The following MAP3K9 variants were observed in gnomAD, a reference collection of about 807,000 sequenced individuals.
MAP3K9 encodes the protein mixed lineage kinase 1 (tyr and ser/thr specificity).
MAP3K9 carries 46 observed loss-of-function variants against 95.8 expected under a neutral mutation model. The ratio of observed to expected loss-of-function variants is 0.48; its 90% confidence interval spans 0.38 to 0.61. The LOEUF (loss-of-function observed/expected upper bound fraction) is 0.61. MAP3K9 is among the 20% of genes least tolerant of loss of function. The pLI is 0.00. For missense variants in MAP3K9, 1,296 were observed against 1,474.3 expected, an observed-to-expected ratio of 0.88 and a Z score of 1.98; for synonymous variants, 533 against 593.8, an observed-to-expected ratio of 0.90 and a Z score of 1.49.
Position 70,800,686 on chromosome 14 carries a change from G to T in MAP3K9, c.801C>A (p.Arg267=), listed in dbSNP as rs767594940. 1.9e-6 allele frequency: 3 copies of T among 1,613,668 alleles called. No individual in the cohort carries two copies. Among genetic ancestry groups the T allele is most frequent in the East Asian group, 2.2e-5 (1 of 44,880 alleles). ...ACTCACTGTTGCTGGACTTAAGGTC[G>T]CGGTGGATGATGGGAACAATTGCCT... The part of the protein sequence containing the change: ...HDEAIVPIIH[R]DLKSSNILIL... Residue 267 remains arginine, a synonymous_variant, in exon 2 of 12, where the codon CGC becomes CGA. Transcript: ENST00000554752.
chr14:70,765,751 C>A lies in MAP3K9; in HGVS notation c.821-4569G>T, dbSNP rs12894407. 5.5e-3 allele frequency among the ~76,000 whole-genome samples: 489 copies of A among 89,658 alleles called. 3 individuals carry two copies. Among genetic ancestry groups the A allele is most frequent in the African/African-American group, 0.017 (387 of 22,774 alleles). 58.8% of individuals were successfully genotyped at this position (89,658 alleles called of 152,430 possible). On this transcript the variant is annotated intron_variant, in intron 2 of 11. Transcript: ENST00000554752. Reference sequence around the variant, plus strand: ...AACAACAGCTAAAAAAAAAAAAAAACAAAAAAAAACAAAAAAAAAAAAACA... The same window carrying A: ...AACAACAGCTAAAAAAAAAAAAAAAAAAAAAAAAACAAAAAAAAAAAAACA...
chr14:70,750,076 C>T lies in MAP3K9; in HGVS notation c.1007G>A (p.Gly336Glu). 1 of 1,614,126 alleles carries T rather than the reference C, an allele frequency of 6.2e-7. No individual in the cohort carries two copies. Among genetic ancestry groups the T allele is most frequent in the Non-Finnish European group, 8.5e-7 (1 of 1,180,006 alleles). ...FSKGSDVWSY[G>E]VLLWELLTGE... ...AGTCAGCAACTCCCAAAGTAGCACC[C>T]CATAGCTAAGGAGAGGAAGAAGACA... The change falls in exon 4 of 12, where the codon GGG (glycine) becomes GAG (glutamate). Residue 336 changes from glycine to glutamate, a missense_variant. By Grantham distance (98) the Gly-to-Glu change is moderately conservative (BLOSUM62 -2). This residue lies in a region of MAP3K9 where 136 missense variants were observed against 221.5 expected (regional missense o/e 0.61). Coordinates refer to ENST00000554752, the MANE Select transcript of MAP3K9 (RefSeq NM_001284230.2).
chr14:70,800,548 T>A lies in MAP3K9; in HGVS notation c.820+119A>T. 3.0e-6 allele frequency: 3 copies of A among 999,348 alleles called. No individual in the cohort carries two copies. The South Asian group carries it at 4.7e-5, about 16-fold the overall frequency. 61.9% of individuals were successfully genotyped at this position (999,348 alleles called of 1,614,324 possible). The stretch of plus-strand genomic sequence containing the variant: ...TACATCTCCATTCAAGGATGGAATG[T>A]GTTTAAGCAAGGAGTTTCACTGCCC... On this transcript the variant is annotated intron_variant, in intron 2 of 11. Coordinates refer to ENST00000554752, the MANE Select transcript of MAP3K9 (RefSeq NM_001284230.2).
chr14:70,780,741 T>C (rs1214450513), intron 2 of MAP3K9, among the ~76,000 whole-genome samples: 1 of 152,172 alleles, frequency 6.6e-6, no homozygotes, highest in Non-Finnish European at 1.5e-5. Flanking sequence ...CTTAAACACC[T>C]GCCTCCCCTG....
intron 2 of MAP3K9, among the ~76,000 whole-genome samples, chr14:70,791,969 G>A (rs2054812341): frequency 6.6e-6 from 1 of 152,188 alleles, no homozygotes; most frequent in East Asian, 1.9e-4. Flanking sequence ...GGAAAGGCAA[G>A]GTTCCCAAAC....
At chr14:70,736,683 G>C (rs1315643236) in intron 8 of MAP3K9, among the ~76,000 whole-genome samples, 1 of 152,208 alleles carries the variant, frequency 6.6e-6, no homozygotes, top group East Asian at 1.9e-4. Context: ...CAGGGTGACT[G>C]AGTTTCTCAG....
At chr14:70,774,556 G>A (rs2054571455) in intron 2 of MAP3K9, among the ~76,000 whole-genome samples, 1 of 151,950 alleles carries the variant, frequency 6.6e-6, no homozygotes, top group African/African-American at 2.4e-5. Flanking sequence ...CCAGCTACTC[G>A]GGAAGCTGAG....
At chr14:70,779,075 A>C (rs1193833162) in intron 2 of MAP3K9, among the ~76,000 whole-genome samples, 4 of 152,210 alleles carry the variant, frequency 2.6e-5, no homozygotes, top group African/African-American at 9.6e-5. Flanking sequence ...GTCCAGGTCC[A>C]AGAGGGCTGA....
Position 70,748,828 on chromosome 14 carries a change from C to T in MAP3K9, c.1326+1G>A. 1.3e-6 allele frequency: 2 copies of T among 1,582,128 alleles called. No homozygotes were observed. The highest frequency in any genetic ancestry group is 1.2e-5 in the South Asian group (1 of 85,194). ...TTTGTTGTTTTTTTTGTTTTGTTTA[C>T]CTTTTCTTTGGCCCTGAGTTGGTCA... On this transcript the variant is annotated splice_donor_variant, in intron 5 of 11. Transcript: ENST00000554752. LOFTEE classifies it high-confidence loss of function.
In MAP3K9 at chr14:70,732,784, A is replaced by G. The variant is rs146720121; in HGVS notation, c.2585T>C (p.Met862Thr). 2 of 1,613,690 alleles carry G rather than the reference A, an allele frequency of 1.2e-6. No individual in the cohort carries two copies. Among genetic ancestry groups the G allele is most frequent in the African/African-American group, 1.3e-5 (1 of 74,894 alleles). ...SDSDEIVVYE[M>T]PVSPVEAPPL... ...AGGGGCCTCGACTGGGCTGACTGGCATCTCATACACGACAATTTCATCGCT... is the reference window on the plus strand; with the variant it reads ...AGGGGCCTCGACTGGGCTGACTGGCGTCTCATACACGACAATTTCATCGCT... The change falls in exon 11 of 12, where the codon ATG (methionine) becomes ACG (threonine). Residue 862 changes from methionine (M) to threonine (T), a missense_variant. Met to Thr is a moderately conservative substitution (Grantham distance 81). Around this residue, in one of 5 missense-constraint regions of MAP3K9, gnomAD observed 433 missense variants for 441.4 expected, o/e 0.98. Coordinates refer to ENST00000554752, the MANE Select transcript of MAP3K9 (RefSeq NM_001284230.2).
rs1202780176 is a variant in MAP3K9 at position 70,734,401 on chromosome 14, T to C, written c.2011A>G (p.Ser671Gly). The change falls in exon 10 of 12, where the codon AGC becomes GGC. Residue 671 changes from serine (S) to glycine (G), a missense_variant. By Grantham distance (56) the Ser-to-Gly change is moderately conservative. Transcript: ENST00000554752. ...RSSPALPGFT[S>G]LMEMEDEDSE... ...CTATGCTTACCCATCTCCATAAGGC[T>C]GGTGAACCCTGGCAGGGCCGGGCTA... 3 of 1,613,460 alleles carry C rather than the reference T, an allele frequency of 1.9e-6. No homozygotes were observed. Among genetic ancestry groups the C allele is most frequent in the Non-Finnish European group, 2.5e-6 (3 of 1,179,486 alleles).
intron 3 of MAP3K9, among the ~76,000 whole-genome samples, chr14:70,754,396 G>A (rs1295153842): frequency 6.6e-6 from 1 of 152,056 alleles, no homozygotes; most frequent in Non-Finnish European, 1.5e-5. Context: ...CTCTATAAGT[G>A]GGTTCAGGGT....
intron 2 of MAP3K9, among the ~76,000 whole-genome samples, chr14:70,764,386 T>C (rs967010916): frequency 9.2e-5 from 14 of 151,942 alleles, no homozygotes; most frequent in Non-Finnish European, 1.2e-4. Context: ...AAAATGTGTT[T>C]GTGTCTTAGT....
At chr14:70,801,140 C>T (rs2054925629) in intron 1 of MAP3K9, 60 bp from the exon 2 acceptor site, 2 of 1,511,142 alleles carry the variant, frequency 1.3e-6, no homozygotes, top group East Asian at 2.3e-5. Flanking sequence ...TCGTATTTAA[C>T]CTTTCATTTA....
At position 70,779,088 on chromosome 14, in the gene MAP3K9, G is replaced by T. The variant is rs1246409019; in HGVS notation, c.821-17906C>A. On this transcript the variant is annotated intron_variant, in intron 2 of 11. Coordinates refer to ENST00000554752, the MANE Select transcript of MAP3K9 (RefSeq NM_001284230.2). ...GAGTCCAGGTCCAAGAGGGCTGAGG[G>T]GCCTTGACATATCTAAGAAATAGTC... Among the ~76,000 whole-genome samples the T allele has an allele frequency of 2.6e-5, 4 of 152,162 alleles. 1 individual carries two copies. In the East Asian group the frequency reaches 7.7e-4, roughly 29 times the overall value.
chr14:70,744,373 A>G (rs1016375541), intron 5 of MAP3K9, among the ~76,000 whole-genome samples: 26 of 152,310 alleles, frequency 1.7e-4, no homozygotes, highest in African/African-American at 6.0e-4. Context: ...AAAAAAAAAG[A>G]TATTTTTAAA....
intron 3 of MAP3K9, among the ~76,000 whole-genome samples, 194 bp from the exon 4 acceptor site, chr14:70,750,275 T>G (rs1349302602): frequency 1.3e-5 from 2 of 152,238 alleles, no homozygotes; most frequent in African/African-American, 2.4e-5. Flanking sequence ...GAGTCAAGCA[T>G]ACTTGGTTTT....
intron 2 of MAP3K9, among the ~76,000 whole-genome samples, chr14:70,785,233 T>C (rs946920924): frequency 1.3e-5 from 2 of 152,186 alleles, no homozygotes; most frequent in Non-Finnish European, 2.9e-5. Flanking sequence ...AGGTAGATAC[T>C]GTTTCAAATA....
chr14:70,749,848 T>C, intron 4 of MAP3K9, 85 bp downstream of exon 4: 2 of 1,497,414 alleles, frequency 1.3e-6, no homozygotes, highest in Non-Finnish European at 1.8e-6. Flanking sequence ...TTTCAGTAAC[T>C]GATCTCACAG....
Sources: allele counts gnomAD v4.1 joint callset (sites outside exome capture counted in the v4.1 genomes callset), GRCh38; gene constraint gnomAD v4.1.1; regional missense constraint gnomAD v4.1.1; transcripts MANE v1.5; gene names NCBI Gene and HGNC (gene_info 2026-07-23, HGNC 2026-07-21).